HOOK1: variants seen among roughly 807,000 people sequenced by gnomAD.
The protein encoded by HOOK1 is hook microtubule tethering protein 1, also known as protein Hook homolog 1.
In HOOK1, 60 loss-of-function variants were observed where a neutral mutation model predicts 112.8. That is an observed-to-expected ratio of 0.53 (90% CI 0.43 to 0.66). The LOEUF (loss-of-function observed/expected upper bound fraction) is 0.66, where lower values mean the gene tolerates loss of function less well. Ranked by LOEUF, HOOK1 falls within the 30% of genes least tolerant of loss-of-function variation. The pLI is 0.00. For missense variants in HOOK1, 770 were observed against 856.0 expected, an observed-to-expected ratio of 0.90 and a Z score of 1.25; for synonymous variants, 294 against 283.8, an observed-to-expected ratio of 1.04 and a Z score of -0.36.
chr1:59,819,370 G>C (rs1017223371), intron 1 of HOOK1, among the ~76,000 whole-genome samples: 11 of 151,792 alleles, frequency 7.2e-5, no homozygotes, highest in Admixed American at 2.6e-4. Flanking sequence ...GGCTGGTCTC[G>C]AACTCCTCAC....
Position 59,859,000 on chromosome 1 carries a change from A to G in HOOK1, c.1346A>G (p.Lys449Arg). ...HLNQTDASATKSYENLAAEIM... is the reference protein window; with the variant it reads ...HLNQTDASATRSYENLAAEIM... ...TATTTTTTAGATGCATCTGCTACAA[A>G]AAGTTATGAGAATCTTGCTGCTGAG... The change falls in exon 14 of 22, where the codon AAA becomes AGA. Residue 449 changes from lysine to arginine, a missense_variant. Around this residue, in one of 3 missense-constraint regions of HOOK1, gnomAD observed 655 missense variants for 725.9 expected, o/e 0.90. Transcript: ENST00000371208. 2 of 1,576,350 alleles carry G rather than the reference A, an allele frequency of 1.3e-6. No homozygotes were observed. The highest frequency in any genetic ancestry group is 1.7e-6 in the Non-Finnish European group (2 of 1,149,464).
intron 15 of HOOK1, among the ~76,000 whole-genome samples, chr1:59,860,960 T>G (rs1231221082): frequency 6.6e-6 from 1 of 151,958 alleles, no homozygotes; most frequent in Non-Finnish European, 1.5e-5. Context: ...GTATTTTTAG[T>G]AGAGATGGGG....
chr1:59,855,959 T>TAAAAAAAAAAA (rs1559057957), intron 12 of HOOK1, among the ~76,000 whole-genome samples: 2 of 84,232 alleles, frequency 2.4e-5, no homozygotes, highest in African/African-American at 1.1e-4. Context: ...TATATATATA[T>TAAAAAAAAAAA]AAATTATTAT....
At chr1:59,868,730 C>T (rs1232159900) in intron 20 of HOOK1, among the ~76,000 whole-genome samples, 1 of 152,212 alleles carries the variant, frequency 6.6e-6, no homozygotes, top group Non-Finnish European at 1.5e-5. Context: ...CAGTCAATCA[C>T]ATTTTTCTTG....
chr1:59,822,706 A>C (rs1288779727), intron 2 of HOOK1, among the ~76,000 whole-genome samples: 1 of 152,232 alleles, frequency 6.6e-6, no homozygotes, highest in Non-Finnish European at 1.5e-5. Flanking sequence ...CTTTGAGACC[A>C]GAATCCTATC....
intron 12 of HOOK1, among the ~76,000 whole-genome samples, chr1:59,856,296 T>C (rs1452014882): frequency 6.6e-6 from 1 of 151,464 alleles, no homozygotes; most frequent in Non-Finnish European, 1.5e-5. Flanking sequence ...TCAAAATTTC[T>C]AGTTATTTCT....
At position 59,855,341 on chromosome 1, in the gene HOOK1, A is replaced by G. The variant is rs2102057007; in HGVS notation, c.1243-3087A>G. Reference sequence around the variant, plus strand: ...GTCTATTGCTCCCTTCTTTGTGTTCATGAGTTCTCATCATTTAGCTTCCAC... The same window carrying G: ...GTCTATTGCTCCCTTCTTTGTGTTCGTGAGTTCTCATCATTTAGCTTCCAC... On this transcript the variant is annotated intron_variant, in intron 12 of 21. Transcript: ENST00000371208. Among the ~76,000 whole-genome samples, 5 of 152,268 alleles carry G rather than the reference A, an allele frequency of 3.3e-5. No homozygotes were observed. In the Middle Eastern group the frequency reaches 0.017, roughly 518 times the overall value.
intron 14 of HOOK1, among the ~76,000 whole-genome samples, chr1:59,859,532 G>T (rs2098412461): frequency 6.6e-6 from 1 of 151,754 alleles, no homozygotes; most frequent in Non-Finnish European, 1.5e-5. Context: ...TTGGCATTCA[G>T]AAGAACAAAA....
At chr1:59,823,566 A>C (rs997697285) in intron 2 of HOOK1, among the ~76,000 whole-genome samples, 1 of 152,156 alleles carries the variant, frequency 6.6e-6, no homozygotes, top group African/African-American at 2.4e-5. Flanking sequence ...GCATTCACTC[A>C]TTTCAACAGT....
chr1:59,833,577 G>T, intron 5 of HOOK1, 40 bp downstream of exon 5: 1 of 1,478,334 alleles, frequency 6.8e-7, no homozygotes, highest in South Asian at 1.4e-5. Context: ...CTACTTTCTA[G>T]AAACTTTCTA....
At chr1:59,856,310 T>A (rs1322834162) in intron 12 of HOOK1, among the ~76,000 whole-genome samples, 1 of 151,636 alleles carries the variant, frequency 6.6e-6, no homozygotes, top group Non-Finnish European at 1.5e-5. Context: ...TATTTCTTTT[T>A]AATAAATTCT....
chr1:59,845,129 C>T lies in HOOK1; in HGVS notation c.788+1531C>T, dbSNP rs113910097. ...ATCAAGGTACCAGCAGATTCAGTGT[C>T]TGTTTGAGGGATAGCTCTCTGCCTC... On this transcript the variant is annotated intron_variant, in intron 9 of 21. Coordinates refer to ENST00000371208, the MANE Select transcript of HOOK1 (RefSeq NM_015888.6). Among the ~76,000 whole-genome samples the T allele has an allele frequency of 1.6e-3, 250 of 152,034 alleles. 1 individual carries two copies. The highest frequency in any genetic ancestry group is 5.8e-3 in the African/African-American group (242 of 41,538).
At chr1:59,820,888 C>T (rs2098385118) in intron 1 of HOOK1, among the ~76,000 whole-genome samples, 1 of 152,166 alleles carries the variant, frequency 6.6e-6, no homozygotes, top group South Asian at 2.1e-4. Flanking sequence ...TTGAAAATAA[C>T]TGGCTAGGTT....
At chr1:59,836,153 G>A (rs1417222453) in intron 6 of HOOK1, among the ~76,000 whole-genome samples, 1 of 152,066 alleles carries the variant, frequency 6.6e-6, no homozygotes, top group East Asian at 1.9e-4. Context: ...CAAATATGGT[G>A]GTACTTAGGT....
At chr1:59,836,768 A>C in intron 6 of HOOK1, 105 bp from the exon 7 acceptor site, 5 of 640,890 alleles carry the variant, frequency 7.8e-6, no homozygotes, top group Admixed American at 3.0e-5. Flanking sequence ...AAATTAAGGC[A>C]AGGAAAAGCT....
chr1:59,855,980 A>AT (rs2098410475), intron 12 of HOOK1, among the ~76,000 whole-genome samples: 5 of 68,918 alleles, frequency 7.3e-5, no homozygotes, highest in African/African-American at 3.2e-4. Flanking sequence ...ATATATATAT[A>AT]TATATTTTTT....
intron 19 of HOOK1, among the ~76,000 whole-genome samples, chr1:59,866,469 T>G (rs1263268785): frequency 6.6e-6 from 1 of 152,174 alleles, no homozygotes; most frequent in Non-Finnish European, 1.5e-5. Context: ...AGGTAGAGGT[T>G]TACTTCATAG....
At chr1:59,816,912 C>T (rs2098381990) in intron 1 of HOOK1, among the ~76,000 whole-genome samples, 2 of 152,218 alleles carry the variant, frequency 1.3e-5, no homozygotes, top group East Asian at 1.9e-4. Flanking sequence ...CTAACATTGC[C>T]CATACTTAAG....
chr1:59,847,034 A>G lies in HOOK1; in HGVS notation c.789-11A>G, dbSNP rs778732305. ...GGAAGTTATAAATACTTACTTTTTT[A>G]TTTGTTCAAGGCTTGAAGCTGCAAA... On this transcript the variant is annotated splice_polypyrimidine_tract_variant and intron_variant, in intron 9 of 21. Transcript: ENST00000371208. 92 of 1,564,868 alleles carry G rather than the reference A, an allele frequency of 5.9e-5. No individual in the cohort carries two copies. In the Middle Eastern group the frequency reaches 1.2e-3, roughly 21 times the overall value.
Sources: gnomAD v4.1 joint callset for allele counts (sites outside exome capture counted in the v4.1 genomes callset) on GRCh38, gnomAD v4.1.1 for gene constraint, gnomAD v4.1.1 regional missense constraint, MANE v1.5 for transcripts, NCBI Gene and HGNC (gene_info 2026-07-23, HGNC 2026-07-21) for gene names.